CEP192: variants seen among roughly 807,000 people sequenced by gnomAD.
CEP192 encodes the protein centrosomal protein of 192 kDa.
In CEP192, 151 loss-of-function variants were observed where a neutral mutation model predicts 271.8. The observed-to-expected ratio is 0.56, with a 90% CI of 0.49 to 0.64. The LOEUF is 0.64. Among genes scored for constraint, CEP192 ranks in the 30% least tolerant of loss-of-function variants. The probability of loss-of-function intolerance (pLI) is 0.00; values close to 1 mark genes in which losing one functional copy is unlikely to be tolerated. For missense variants in CEP192, 2,910 were observed against 3,020.5 expected (o/e 0.96, Z 0.86); for synonymous variants, 995 against 1,076.5 (o/e 0.92, Z 1.48).
chr18:13,061,342 A>C (rs915942460), intron 21 of CEP192, among the ~76,000 whole-genome samples: 2 of 152,222 alleles, frequency 1.3e-5, no homozygotes, highest in Non-Finnish European at 2.9e-5. Flanking sequence ...AAAGTTAATT[A>C]GTTTTTTCAT....
chr18:12,996,212 G>A (rs528913466), intron 1 of CEP192, among the ~76,000 whole-genome samples: 4 of 150,826 alleles, frequency 2.7e-5, no homozygotes, highest in Admixed American at 1.3e-4. Context: ...TAGCAGGGTT[G>A]GGGGGTAGGT....
chr18:13,048,666 G>A (rs998779531), intron 15 of CEP192, among the ~76,000 whole-genome samples, 193 bp from the exon 16 acceptor site: 7 of 152,110 alleles, frequency 4.6e-5, no homozygotes, highest in Non-Finnish European at 7.4e-5. Flanking sequence ...GATGGAAAAG[G>A]CACTACATTT....
chr18:13,034,151 G>A (rs761511189), intron 11 of CEP192, among the ~76,000 whole-genome samples: 39 of 152,210 alleles, frequency 2.6e-4, no homozygotes, highest in Admixed American at 1.6e-3. Flanking sequence ...AAATGATAAC[G>A]GAAAGATTGA....
chr18:13,039,413 G>A (rs1414585249), intron 13 of CEP192, among the ~76,000 whole-genome samples: 1 of 150,104 alleles, frequency 6.7e-6, no homozygotes, highest in African/African-American at 2.5e-5. Flanking sequence ...CCGAGATCAC[G>A]CCACTGCACT....
chr18:13,066,963 CTGTGTGTGTGTGTG>C (rs56795701), intron 21 of CEP192, among the ~76,000 whole-genome samples: 2,217 of 143,512 alleles, frequency 0.015, 23 homozygotes, highest in South Asian at 0.026. Context: ...GTGAGCACGT[CTGTGTGTGTGTGTG>C]TGTGTGTGTG....
At chr18:13,102,072 G>T (rs1178283143) in intron 38 of CEP192, among the ~76,000 whole-genome samples, 1 of 151,954 alleles carries the variant, frequency 6.6e-6, no homozygotes, top group African/African-American at 2.4e-5. Flanking sequence ...GGGGTTCCTG[G>T]TGCCCCTCCA....
chr18:13,086,476 G>T (rs745514459), intron 30 of CEP192, among the ~76,000 whole-genome samples: 1 of 152,172 alleles, frequency 6.6e-6, no homozygotes, highest in East Asian at 1.9e-4. Context: ...GTAAGGCGAC[G>T]CCCCACCCTG....
intron 39 of CEP192, 82 bp from the exon 40 acceptor site, chr18:13,104,902 C>A: frequency 9.7e-7 from 1 of 1,031,982 alleles, no homozygotes; most frequent in Non-Finnish European, 1.5e-6. Context: ...GTGTTCTCCG[C>A]AGCCATAGAG....
At chr18:13,017,554 C>G (rs1006958462) in intron 7 of CEP192, among the ~76,000 whole-genome samples, 3 of 152,200 alleles carry the variant, frequency 2.0e-5, no homozygotes, top group African/African-American at 7.2e-5. Flanking sequence ...CAATGGACAT[C>G]TACACCCTCT....
chr18:13,003,470 A>G (rs933661422), intron 3 of CEP192, among the ~76,000 whole-genome samples: 6 of 149,936 alleles, frequency 4.0e-5, no homozygotes, highest in South Asian at 2.1e-4. Context: ...AAAAAAAAAA[A>G]AAGAAGATAT....
At chr18:12,991,841 T>G (rs2032874921) in intron 1 of CEP192, among the ~76,000 whole-genome samples, 1 of 152,208 alleles carries the variant, frequency 6.6e-6, no homozygotes, top group Non-Finnish European at 1.5e-5. Flanking sequence ...TGATGTTTCC[T>G]TTATGTGCCC....
chr18:13,047,548 G>A (rs1305251773), intron 15 of CEP192, among the ~76,000 whole-genome samples: 2 of 152,116 alleles, frequency 1.3e-5, no homozygotes, highest in African/African-American at 4.8e-5. Context: ...TTAGATTTTG[G>A]CCCCATAAAT....
At chr18:13,003,809 C>G (rs1355820462) in intron 3 of CEP192, among the ~76,000 whole-genome samples, 4 of 152,122 alleles carry the variant, frequency 2.6e-5, no homozygotes, top group Non-Finnish European at 5.9e-5. Context: ...CAAAAAAAGG[C>G]CCACTCTCGC....
chr18:13,072,916 T>C lies in CEP192; in HGVS notation c.5439+71T>C, dbSNP rs2038088265. On this transcript the variant is annotated intron_variant, in intron 29 of 44. Transcript: ENST00000506447. ...GGAACACTTGCATATGCAGACCTTT[T>C]TGTGTTATTTAGCTTTTAAGAATCT... 8 of 1,533,444 alleles carry C rather than the reference T, an allele frequency of 5.2e-6. No homozygotes were observed. The South Asian group carries it at 9.1e-5, about 17-fold the overall frequency. The allele number at this position is 1,533,444 out of a possible 1,614,324, so 95.0% of individuals were successfully genotyped here. A position where few individuals can be genotyped will look rare whatever the true frequency, so the allele number is the denominator to read the frequency against.
rs753156141 is a variant in CEP192 at position 13,056,684 on chromosome 18, T to G, written c.4094T>G (p.Val1365Gly). 6.2e-7 allele frequency: 1 copy of G among 1,601,500 alleles called. No individual in the cohort carries two copies. The highest frequency in any genetic ancestry group is 8.5e-7 in the Non-Finnish European group (1 of 1,175,034). ...NCGIEPWDSG[V>G]TSGLGSVRVP... is the part of the protein sequence containing the mutation. ...GGAATTGAACCATGGGATTCAGGAG[T>G]GACATCAGGATTGGGTAAGATGCTT... Residue 1365 changes from valine (V) to glycine (G), a missense_variant, in exon 19 of 45, where the codon GTG (valine) becomes GGG (glycine). By Grantham distance (109) the Val-to-Gly change is moderately radical. Coordinates refer to ENST00000506447, the MANE Select transcript of CEP192 (RefSeq NM_032142.4).
At chr18:13,030,046 C>A in intron 10 of CEP192, 44 bp downstream of exon 10, 1 of 1,352,360 alleles carries the variant, frequency 7.4e-7, no homozygotes, top group South Asian at 1.4e-5. Context: ...AATAGATGTT[C>A]ATACATTTTG....
At chr18:13,012,012 C>G (rs2034388690) in intron 4 of CEP192, among the ~76,000 whole-genome samples, 1 of 152,156 alleles carries the variant, frequency 6.6e-6, no homozygotes, top group African/African-American at 2.4e-5. Flanking sequence ...TACAGGTGAG[C>G]CTTGAAAACA....
chr18:12,994,884 A>G (rs2033114638), intron 1 of CEP192, among the ~76,000 whole-genome samples: 4 of 152,066 alleles, frequency 2.6e-5, no homozygotes, highest in Admixed American at 2.0e-4. Context: ...CTAACATATG[A>G]GGAGCAAATA....
At chr18:13,019,237 TA>T (rs2034842475) in intron 9 of CEP192, 31 bp downstream of exon 9, 61 of 1,466,246 alleles carry the variant, frequency 4.2e-5, no homozygotes, top group East Asian at 1.3e-4. Context: ...AGATTTCCTA[TA>T]AAAAAAGGAA....
Sources: gnomAD v4.1 joint callset for allele counts (sites outside exome capture counted in the v4.1 genomes callset) on GRCh38, gnomAD v4.1.1 for gene constraint, MANE v1.5 for transcripts, NCBI Gene and HGNC (gene_info 2026-07-23, HGNC 2026-07-21) for gene names.